OXR1: variants seen among roughly 807,000 people sequenced by gnomAD.
OXR1 encodes oxidation resistance 1, also known as oxidation resistance protein 1.
Under a neutral mutation model 104.6 loss-of-function variants are expected in OXR1, and 41 were observed. The observed-to-expected ratio is 0.39, with a 90% CI of 0.31 to 0.51. OXR1 has a LOEUF of 0.51. OXR1 is among the 20% of genes least tolerant of loss of function. The probability of loss-of-function intolerance (pLI) is 0.77; values close to 1 mark genes in which losing one functional copy is unlikely to be tolerated. For synonymous variants in OXR1, 348 were observed against 348.4 expected (o/e 1.00, Z 0.01); for missense variants, 955 against 1,031.9 (o/e 0.93, Z 1.02).
intron 11 of OXR1, among the ~76,000 whole-genome samples, chr8:106,716,788 CAATT>C (rs1309794717): frequency 2.0e-5 from 3 of 151,782 alleles, no homozygotes; most frequent in African/African-American, 4.8e-5. Context: ...TATATTAATA[CAATT>C]AATTTCACTT....
At chr8:106,633,863 G>A (rs1303031503) in intron 3 of OXR1, among the ~76,000 whole-genome samples, 1 of 152,162 alleles carries the variant, frequency 6.6e-6, no homozygotes, top group East Asian at 1.9e-4. Context: ...TTAATTTGAG[G>A]ATTTGCTCCA....
At chr8:106,709,927 GA>G (rs953720050) in intron 9 of OXR1, among the ~76,000 whole-genome samples, 2 of 152,074 alleles carry the variant, frequency 1.3e-5, no homozygotes, top group African/African-American at 4.8e-5. Flanking sequence ...ATACTGCACA[GA>G]AAAAGCCATG....
chr8:106,687,171 G>A (rs1240323342), intron 6 of OXR1, among the ~76,000 whole-genome samples: 2 of 152,094 alleles, frequency 1.3e-5, no homozygotes, highest in Admixed American at 1.3e-4. Context: ...TAAGGGGGAA[G>A]GAAAGAGAGA....
At chr8:106,633,150 T>G (rs1822836887) in intron 3 of OXR1, among the ~76,000 whole-genome samples, 1 of 151,838 alleles carries the variant, frequency 6.6e-6, no homozygotes, top group African/African-American at 2.4e-5. Flanking sequence ...GAGAATTGCT[T>G]GAACCCGGGA....
chr8:106,447,999 G>A (rs1820092964), intron 2 of OXR1: 11 of 1,528,964 alleles, frequency 7.2e-6, no homozygotes, highest in Non-Finnish European at 9.6e-6. Context: ...ACAGCTATAA[G>A]GTTGCCTGCC....
At chr8:106,445,700 G>A (rs777300803) in intron 2 of OXR1, among the ~76,000 whole-genome samples, 4 of 152,080 alleles carry the variant, frequency 2.6e-5, no homozygotes, top group African/African-American at 7.2e-5. Flanking sequence ...AAATGTTAGG[G>A]GCAGAAATGA....
chr8:106,714,930 A>G (rs982999301), intron 11 of OXR1, among the ~76,000 whole-genome samples: 1 of 152,140 alleles, frequency 6.6e-6, no homozygotes, highest in African/African-American at 2.4e-5. Flanking sequence ...TATATACAGC[A>G]TCAGTTTCTA....
chr8:106,711,769 C>A (rs2131400122), intron 10 of OXR1, among the ~76,000 whole-genome samples: 1 of 152,168 alleles, frequency 6.6e-6, no homozygotes, highest in East Asian at 1.9e-4. Context: ...GGCCAAGTGA[C>A]AGCTGCACAT....
At chr8:106,568,842 C>T (rs558518061) in intron 3 of OXR1, among the ~76,000 whole-genome samples, 5 of 152,058 alleles carry the variant, frequency 3.3e-5, no homozygotes, top group East Asian at 1.9e-4. Flanking sequence ...ATAAACACAC[C>T]GTCCAGGGAG....
chr8:106,528,902 A>G (rs749635773), intron 3 of OXR1, among the ~76,000 whole-genome samples: 6 of 152,188 alleles, frequency 3.9e-5, no homozygotes, highest in Admixed American at 6.5e-5. Context: ...ACTAAAACAC[A>G]TAGCTGCTCT....
chr8:106,694,717 T>TATATGTTTATATATTTAATATATAAAC (rs1829716862), intron 7 of OXR1, among the ~76,000 whole-genome samples: 4 of 102,860 alleles, frequency 3.9e-5, no homozygotes, highest in Admixed American at 3.6e-4. Flanking sequence ...AATATATAAA[T>TATATGTTTATATATTTAATATATAAAC]ATATTTTTAT....
intron 2 of OXR1, among the ~76,000 whole-genome samples, chr8:106,453,884 C>A (rs1167517236): frequency 6.6e-6 from 1 of 152,066 alleles, no homozygotes; most frequent in Non-Finnish European, 1.5e-5. Context: ...ATGGTGTGAT[C>A]AGAAAACACA....
chr8:106,512,631 G>T (rs984029603), intron 2 of OXR1, among the ~76,000 whole-genome samples: 9 of 152,154 alleles, frequency 5.9e-5, no homozygotes, highest in African/African-American at 1.9e-4. Flanking sequence ...GCTCAAGGTA[G>T]AGTTGTATCA....
chr8:106,627,542 G>A (rs1822275263), intron 3 of OXR1, among the ~76,000 whole-genome samples: 1 of 151,060 alleles, frequency 6.6e-6, no homozygotes, highest in South Asian at 2.1e-4. Context: ...AATCAATGTA[G>A]TGGCTTAATG....
intron 2 of OXR1, among the ~76,000 whole-genome samples, chr8:106,456,156 G>A (rs888253709): frequency 1.3e-5 from 2 of 152,148 alleles, no homozygotes; most frequent in African/African-American, 2.4e-5. Flanking sequence ...AAACAATTCT[G>A]AGTCACTGCA....
chr8:106,517,040 A>C (rs1812906244), intron 2 of OXR1, among the ~76,000 whole-genome samples: 2 of 152,194 alleles, frequency 1.3e-5, no homozygotes, highest in African/African-American at 4.8e-5. Context: ...TCAATTTCTC[A>C]TGAAAATGTT....
At chr8:106,490,447 C>T (rs943697296) in intron 2 of OXR1, among the ~76,000 whole-genome samples, 3 of 152,192 alleles carry the variant, frequency 2.0e-5, no homozygotes, top group Non-Finnish European at 2.9e-5. Flanking sequence ...CAACCTCCGT[C>T]TCCCAGGTTC....
intron 7 of OXR1, among the ~76,000 whole-genome samples, chr8:106,700,121 A>G (rs573006628): frequency 6.6e-6 from 1 of 152,304 alleles, no homozygotes; most frequent in Non-Finnish European, 1.5e-5. Flanking sequence ...AGGAAATGGA[A>G]GTTGTTAATA....
intron 3 of OXR1, among the ~76,000 whole-genome samples, chr8:106,593,775 C>CTAATAA (rs1001231888): frequency 2.0e-5 from 3 of 151,918 alleles, no homozygotes; most frequent in Non-Finnish European, 4.4e-5. Context: ...GACTCCATCT[C>CTAATAA]TAATAATAAT....
Sources: allele counts gnomAD v4.1 joint callset (sites outside exome capture counted in the v4.1 genomes callset), GRCh38; gene constraint gnomAD v4.1.1; transcripts MANE v1.5; gene names NCBI Gene and HGNC (gene_info 2026-07-23, HGNC 2026-07-21).